Variants in RXFP1 observed in about 807,000 individuals in gnomAD.
RXFP1 encodes the protein relaxin family peptide receptor 1, also known as relaxin receptor 1.
In RXFP1, 73 loss-of-function variants were observed where a neutral mutation model predicts 89.8. The observed-to-expected ratio is 0.81, with a 90% CI of 0.67 to 0.99. The LOEUF is 0.99. RXFP1 is among the 50% of genes least tolerant of loss of function. RXFP1 has a pLI of 0.00. For synonymous variants in RXFP1, 277 were observed against 305.5 expected, an observed-to-expected ratio of 0.91 and a Z score of 0.97; for missense variants, 793 against 895.5, an observed-to-expected ratio of 0.89 and a Z score of 1.46.
At chr4:158,615,480 G>A (rs1764374755) in intron 8 of RXFP1, among the ~76,000 whole-genome samples, 1 of 151,824 alleles carries the variant, frequency 6.6e-6, no homozygotes, top group Admixed American at 6.5e-5. Flanking sequence ...AGGTTGCAGT[G>A]AGCCGAGATT....
intron 12 of RXFP1, among the ~76,000 whole-genome samples, chr4:158,634,993 T>C (rs2150217419): frequency 6.6e-6 from 1 of 152,284 alleles, no homozygotes; most frequent in African/African-American, 2.4e-5. Flanking sequence ...TTTTTCAAGA[T>C]TGTTTGGCTA....
chr4:158,608,089 C>A (rs775697832), intron 6 of RXFP1, 46 bp downstream of exon 6: 39 of 1,265,348 alleles, frequency 3.1e-5, no homozygotes, highest in Non-Finnish European at 4.1e-5. Context: ...GGTAGTCTGA[C>A]AGCCTAGACT....
At chr4:158,600,104 G>T (rs1309419018) in intron 4 of RXFP1, among the ~76,000 whole-genome samples, 2 of 152,160 alleles carry the variant, frequency 1.3e-5, no homozygotes, top group African/African-American at 4.8e-5. Context: ...TTTTTTAAAA[G>T]AAATTAGTGG....
At chr4:158,539,936 G>A (rs1010903498) in intron 1 of RXFP1, among the ~76,000 whole-genome samples, 10 of 152,186 alleles carry the variant, frequency 6.6e-5, no homozygotes, top group Non-Finnish European at 5.9e-5. Context: ...TAACCTGGAA[G>A]TTAAGAGCAG....
intron 1 of RXFP1, among the ~76,000 whole-genome samples, chr4:158,546,664 T>C (rs905142594): frequency 4.6e-5 from 7 of 152,098 alleles, no homozygotes; most frequent in East Asian, 1.9e-4. Flanking sequence ...GCATGAAGGG[T>C]TGTTGAATTT....
intron 16 of RXFP1, among the ~76,000 whole-genome samples, chr4:158,647,784 G>A (rs771138904): frequency 5.9e-5 from 9 of 152,062 alleles, no homozygotes; most frequent in Non-Finnish European, 1.3e-4. Flanking sequence ...TTGGGAGGCC[G>A]AGGCGGGCCA....
chr4:158,586,355 A>T (rs530640097), intron 2 of RXFP1, among the ~76,000 whole-genome samples: 12 of 152,344 alleles, frequency 7.9e-5, no homozygotes, highest in Non-Finnish European at 1.3e-4. Context: ...TTTTTAGCTG[A>T]AAAGCTCTTT....
intron 1 of RXFP1, among the ~76,000 whole-genome samples, chr4:158,547,932 T>C (rs1748944946): frequency 6.6e-6 from 1 of 152,192 alleles, no homozygotes; most frequent in African/African-American, 2.4e-5. Context: ...TTCTGTTGAT[T>C]TGGGGTGGAA....
chr4:158,597,612 G>A (rs1185604769), intron 3 of RXFP1, among the ~76,000 whole-genome samples: 1 of 151,754 alleles, frequency 6.6e-6, no homozygotes, highest in East Asian at 1.9e-4. Context: ...ATCATTCCTT[G>A]GCTGTTGGAT....
At chr4:158,578,097 G>A (rs1440368388) in intron 2 of RXFP1, among the ~76,000 whole-genome samples, 2 of 152,070 alleles carry the variant, frequency 1.3e-5, no homozygotes, top group African/African-American at 4.8e-5. Flanking sequence ...CATGTATACA[G>A]ACATACATAT....
At chr4:158,539,270 G>A (rs1746015395) in intron 1 of RXFP1, among the ~76,000 whole-genome samples, 1 of 152,120 alleles carries the variant, frequency 6.6e-6, no homozygotes, top group Non-Finnish European at 1.5e-5. Context: ...TCATAGGTGG[G>A]AATTGAACAA....
At chr4:158,636,468 G>A (rs920558047) in intron 12 of RXFP1, among the ~76,000 whole-genome samples, 4 of 151,870 alleles carry the variant, frequency 2.6e-5, no homozygotes, top group South Asian at 2.1e-4. Flanking sequence ...TGACAGCTCC[G>A]CCTTCATGCC....
At chr4:158,606,984 C>A in intron 5 of RXFP1, 1 of 1,134,520 alleles carries the variant, frequency 8.8e-7, no homozygotes, top group Non-Finnish European at 1.3e-6. Flanking sequence ...ACTGAATGTT[C>A]GCTCATATTG....
Position 158,651,838 on chromosome 4 carries a change from G to A in RXFP1, c.2057G>A (p.Arg686Lys). The change falls in exon 18 of 18, where the codon AGA becomes AAA. Residue 686 changes from arginine to lysine, a missense_variant. Arg to Lys is a conservative substitution (Grantham distance 26). Coordinates refer to ENST00000307765, the MANE Select transcript of RXFP1 (RefSeq NM_021634.4). ...LNPILYTLTT[R>K]PFKEMIHRFW... is the part of the protein sequence containing the mutation. ...CCAATTCTCTATACTCTGACCACAA[G>A]ACCATTTAAAGAAATGATTCATCGG... is the stretch of plus-strand genomic sequence containing the variant. The A allele has an allele frequency of 1.2e-6, 2 of 1,614,012 alleles. No homozygotes were observed. Among genetic ancestry groups the A allele is most frequent in the Non-Finnish European group, 1.7e-6 (2 of 1,179,972 alleles).
At chr4:158,575,523 G>A (rs556109943) in intron 2 of RXFP1, among the ~76,000 whole-genome samples, 2 of 152,266 alleles carry the variant, frequency 1.3e-5, no homozygotes, top group African/African-American at 4.8e-5. Flanking sequence ...TTGGAGATGG[G>A]ATTTGGGGGA....
At chr4:158,646,735 A>T in intron 15 of RXFP1, 56 bp from the exon 16 acceptor site, 1 of 1,492,472 alleles carries the variant, frequency 6.7e-7, no homozygotes, top group Non-Finnish European at 8.9e-7. Context: ...TTGCTTATTG[A>T]TGATTTTATG....
intron 10 of RXFP1, among the ~76,000 whole-genome samples, chr4:158,627,773 T>C (rs1767199489): frequency 6.6e-6 from 1 of 152,126 alleles, no homozygotes; most frequent in Non-Finnish European, 1.5e-5. Context: ...GGGTGCTTGA[T>C]ATAAATAATG....
intron 1 of RXFP1, among the ~76,000 whole-genome samples, chr4:158,551,210 G>A (rs1255250988): frequency 1.3e-5 from 2 of 152,282 alleles, no homozygotes; most frequent in African/African-American, 4.8e-5. Flanking sequence ...AATAAGCCAG[G>A]CACAGAGAGA....
intron 6 of RXFP1, among the ~76,000 whole-genome samples, chr4:158,609,851 G>T (rs756105760): frequency 9.9e-5 from 15 of 152,260 alleles, no homozygotes; most frequent in Non-Finnish European, 1.9e-4. Context: ...CTATCTGTTT[G>T]GTTTAATGTT....
Sources: allele counts gnomAD v4.1 joint callset (sites outside exome capture counted in the v4.1 genomes callset), GRCh38; gene constraint gnomAD v4.1.1; transcripts MANE v1.5; gene names NCBI Gene and HGNC (gene_info 2026-07-23, HGNC 2026-07-21).